The following WDHD1 variants were observed in gnomAD, a reference collection of about 807,000 sequenced individuals.
WDHD1 encodes WD repeat and HMG-box DNA-binding protein 1.
Under a neutral mutation model 135.4 loss-of-function variants are expected in WDHD1, and 111 were observed. The observed-to-expected ratio is 0.82, with a 90% CI of 0.70 to 0.96. WDHD1 has a LOEUF of 0.96. Ranked by LOEUF, WDHD1 falls within the 40% of genes least tolerant of loss-of-function variation. The pLI is 0.00. For missense variants in WDHD1, 1,351 were observed against 1,336.3 expected (o/e 1.01, Z -0.17); for synonymous variants, 434 against 439.0 (o/e 0.99, Z 0.14).
chr14:55,015,837 T>C (rs936825672), intron 2 of WDHD1, among the ~76,000 whole-genome samples: 6 of 152,200 alleles, frequency 3.9e-5, no homozygotes, highest in Non-Finnish European at 7.4e-5. Flanking sequence ...TAGCTGGGAC[T>C]GCAGGCGTGC....
Position 55,008,385 on chromosome 14 carries a change from C to CA in WDHD1, c.454-20dup. The CA allele has an allele frequency of 6.2e-7, 1 of 1,612,030 alleles. No individual in the cohort carries two copies. The highest frequency in any genetic ancestry group is 8.5e-7 in the Non-Finnish European group (1 of 1,179,032). On this transcript the variant is annotated intron_variant, in intron 5 of 25. Transcript: ENST00000360586. ...CTGATGCCTGCAGGAATAAACAATA[C>CA]ATTTCTCTATAGTCATAGCCATAAT...
intron 2 of WDHD1, among the ~76,000 whole-genome samples, chr14:55,022,866 C>T (rs1258929963): frequency 2.0e-5 from 3 of 149,966 alleles, no homozygotes; most frequent in African/African-American, 7.4e-5. Flanking sequence ...CTCTTGATCC[C>T]CAGGCTGGAG....
At chr14:54,968,132 A>C (rs1015035783) in intron 16 of WDHD1, among the ~76,000 whole-genome samples, 1 of 152,190 alleles carries the variant, frequency 6.6e-6, no homozygotes, top group Admixed American at 6.5e-5. Context: ...AAGTCTCAAA[A>C]ATTTTTTTTA....
intron 12 of WDHD1, 88 bp downstream of exon 12, chr14:54,991,125 A>T (rs2041778065): frequency 1.4e-6 from 1 of 701,626 alleles, no homozygotes; most frequent in East Asian, 2.7e-5. Context: ...AAAGTTTTTA[A>T]AAATATGTTT....
intron 16 of WDHD1, among the ~76,000 whole-genome samples, chr14:54,976,424 T>G (rs1346576487): frequency 6.6e-6 from 1 of 152,174 alleles, no homozygotes; most frequent in Non-Finnish European, 1.5e-5. Context: ...CTCAAACTCC[T>G]GGCCTCAAGT....
At chr14:55,005,473 G>C in intron 7 of WDHD1, 7 of 565,646 alleles carry the variant, frequency 1.2e-5, no homozygotes, top group South Asian at 9.9e-5. Flanking sequence ...CACTGACATT[G>C]AAAGAGTTTT....
intron 6 of WDHD1, 62 bp downstream of exon 6, chr14:55,008,254 G>T: frequency 1.3e-6 from 2 of 1,491,076 alleles, no homozygotes; most frequent in South Asian, 1.2e-5. Flanking sequence ...CCAGTAATAC[G>T]ACATATAACA....
intron 16 of WDHD1, among the ~76,000 whole-genome samples, chr14:54,974,683 T>C (rs2041496307): frequency 6.6e-6 from 1 of 151,932 alleles, no homozygotes; most frequent in South Asian, 2.1e-4. Flanking sequence ...AAAAATTAAC[T>C]GGGCATGGTG....
At position 55,018,562 on chromosome 14, in the gene WDHD1, T is replaced by TAAA. The variant is rs142084141; in HGVS notation, c.78-4969_78-4967dup. Among the ~76,000 whole-genome samples the TAAA allele has an allele frequency of 3.9e-3, 590 of 152,272 alleles. 2 individuals are homozygous for TAAA. The highest frequency in any genetic ancestry group is 0.014 in the African/African-American group (567 of 41,540). ...TAGACAACTTGATGAATTTTGTCCT[T>TAAA]AAAAACAGTGAAGACCCTATTATTG... is the stretch of plus-strand genomic sequence containing the variant. On this transcript the variant is annotated intron_variant, in intron 2 of 25. Coordinates refer to ENST00000360586, the MANE Select transcript of WDHD1 (RefSeq NM_007086.4).
At position 54,960,269 on chromosome 14, in the gene WDHD1, G is replaced by A. The variant is rs141493145; in HGVS notation, c.2701+2229C>T. On this transcript the variant is annotated intron_variant, in intron 21 of 25. Transcript: ENST00000360586. ...TGCAAGCTCTGCCTCCCGGGTTCAC[G>A]CCATTCTCCTGCCTCAGCCTCCCAA... Among the ~76,000 whole-genome samples the A allele has an allele frequency of 7.4e-3, 1,123 of 152,180 alleles. 14 individuals are homozygous for A. Among genetic ancestry groups the A allele is most frequent in the African/African-American group, 0.025 (1,049 of 41,500 alleles).
At chr14:54,965,450 T>G (rs117301751) in intron 18 of WDHD1, among the ~76,000 whole-genome samples, 3,827 of 152,258 alleles carry the variant, frequency 0.025, 68 homozygotes, top group South Asian at 0.04. Flanking sequence ...CAGGCATATC[T>G]AACAGCCCGA....
At position 54,955,568 on chromosome 14, in the gene WDHD1, T is replaced by A; in HGVS notation, c.3043A>T (p.Asn1015Tyr). The A allele has an allele frequency of 6.4e-7, 1 of 1,566,750 alleles. No individual in the cohort carries two copies. Among genetic ancestry groups the A allele is most frequent in the Non-Finnish European group, 8.6e-7 (1 of 1,164,238 alleles). ...ATTTCTCTATGTACTGACCTTTGGT[T>A]TTCAGTGTTTTGAGGAGGACATATA... ...PAICPPQNTENQRPKTGFQMW... is the reference protein window; with the variant it reads ...PAICPPQNTEYQRPKTGFQMW... The change falls in exon 24 of 26, where the codon AAC becomes TAC. Residue 1015 changes from asparagine to tyrosine, a missense_variant. Asn to Tyr is a moderately radical substitution (Grantham distance 143, BLOSUM62 -2). Around this residue, in one of 2 missense-constraint regions of WDHD1, gnomAD observed 1,330 missense variants for 1,296.1 expected, o/e 1.03. Coordinates refer to ENST00000360586, the MANE Select transcript of WDHD1 (RefSeq NM_007086.4).
At chr14:54,950,596 A>C (rs1308817527) in intron 24 of WDHD1, among the ~76,000 whole-genome samples, 1 of 152,124 alleles carries the variant, frequency 6.6e-6, no homozygotes, top group Non-Finnish European at 1.5e-5. Context: ...TCAACGAGAC[A>C]AAGTTAACAA....
chr14:55,008,640 T>C lies in WDHD1; in HGVS notation c.421A>G (p.Ser141Gly). ...ATGTCCTTAGGATCAAAGGAAAGAC[T>C]TAAAACAGGGGCATCATGTCCTCGA... ...TFRGHDAPVL[S>G]LSFDPKDIFL... The change falls in exon 5 of 26, where the codon AGT becomes GGT. Residue 141 changes from serine to glycine, a missense_variant. Physicochemically the swap from Ser to Gly is moderately conservative, Grantham distance 56. Transcript: ENST00000360586. 6.2e-7 allele frequency: 1 copy of C among 1,612,300 alleles called. No homozygotes were observed.
chr14:54,976,279 G>C (rs75106569), intron 16 of WDHD1, among the ~76,000 whole-genome samples: 10,792 of 152,208 alleles, frequency 0.071, 611 homozygotes, highest in Non-Finnish European at 0.11. Flanking sequence ...CTGTCACGCA[G>C]GTTGGGGTGC....
chr14:55,002,610 CT>C (rs937201618), intron 7 of WDHD1, among the ~76,000 whole-genome samples: 6 of 145,634 alleles, frequency 4.1e-5, no homozygotes, highest in Non-Finnish European at 9.2e-5. Flanking sequence ...AATATGATTA[CT>C]TTTTTTTCCC....
At chr14:55,007,416 T>A in intron 6 of WDHD1, 41 bp from the exon 7 acceptor site, 1 of 1,412,432 alleles carries the variant, frequency 7.1e-7, no homozygotes, top group South Asian at 1.3e-5. Flanking sequence ...TTTATGAAAA[T>A]CCCCCCCAAA....
intron 4 of WDHD1, among the ~76,000 whole-genome samples, chr14:55,009,413 C>T (rs1291938094): frequency 6.6e-6 from 1 of 152,048 alleles, no homozygotes; most frequent in Non-Finnish European, 1.5e-5. Flanking sequence ...GACTGTACAG[C>T]CCAAGTTCTA....
intron 11 of WDHD1, among the ~76,000 whole-genome samples, chr14:54,995,096 C>A (rs1177420995): frequency 1.3e-5 from 2 of 152,152 alleles, no homozygotes. Flanking sequence ...AGTTTCCTGC[C>A]TCAGTCTCCT....
Sources: allele counts gnomAD v4.1 joint callset (sites outside exome capture counted in the v4.1 genomes callset), GRCh38; gene constraint gnomAD v4.1.1; regional missense constraint gnomAD v4.1.1; transcripts MANE v1.5; gene names NCBI Gene and HGNC (gene_info 2026-07-23, HGNC 2026-07-21).